Variants in ALKBH8 observed in about 807,000 individuals in gnomAD.
The protein encoded by ALKBH8 is tRNA (carboxymethyluridine(34)-5-O)-methyltransferase ALKBH8.
ALKBH8 carries 36 observed loss-of-function variants against 59.8 expected under a neutral mutation model. That is an observed-to-expected ratio of 0.60 (90% CI 0.46 to 0.79). ALKBH8 has a LOEUF of 0.79. Among genes scored for constraint, ALKBH8 ranks in the 30% least tolerant of loss-of-function variants. ALKBH8 has a pLI of 0.00. For missense variants in ALKBH8, 768 were observed against 801.0 expected, an observed-to-expected ratio of 0.96 and a Z score of 0.50; for synonymous variants, 276 against 273.6, an observed-to-expected ratio of 1.01 and a Z score of -0.09.
chr11:107,541,436 C>T (rs956387023), intron 7 of ALKBH8, among the ~76,000 whole-genome samples: 6 of 152,332 alleles, frequency 3.9e-5, no homozygotes, highest in Non-Finnish European at 8.8e-5. Context: ...ATCCCAGGAT[C>T]TGAAACCAAT....
At chr11:107,552,142 C>A (rs1864524693) in intron 5 of ALKBH8, among the ~76,000 whole-genome samples, 1 of 151,334 alleles carries the variant, frequency 6.6e-6, no homozygotes. Context: ...ACAATTCTAA[C>A]AACAGTTTTG....
Position 107,557,527 on chromosome 11 carries a change from G to A in ALKBH8, c.130-524C>T, listed in dbSNP as rs1229458501. On this transcript the variant is annotated intron_variant, in intron 2 of 11. Coordinates refer to ENST00000428149, the MANE Select transcript of ALKBH8 (RefSeq NM_138775.3). ...GGTGGGTTTAAACCTATTTCTGTCC[G>A]TTTCCAGGATCCGCACTTTTAATAT... 2.0e-5 allele frequency among the ~76,000 whole-genome samples: 3 copies of A among 152,104 alleles called. 1 individual carries two copies. Among genetic ancestry groups the A allele is most frequent in the Non-Finnish European group, 4.4e-5 (3 of 68,012 alleles).
At chr11:107,551,155 T>C (rs1430765024) in intron 6 of ALKBH8, among the ~76,000 whole-genome samples, 2 of 152,338 alleles carry the variant, frequency 1.3e-5, no homozygotes, top group East Asian at 3.9e-4. Flanking sequence ...CTTCTATCTA[T>C]AAATTATTTG....
Position 107,556,865 on chromosome 11 carries a change from T to C in ALKBH8, c.268A>G (p.Thr90Ala), listed in dbSNP as rs1864737916. The C allele has an allele frequency of 6.2e-7, 1 of 1,604,586 alleles. No homozygotes were observed. Among genetic ancestry groups the C allele is most frequent in the Non-Finnish European group, 8.5e-7 (1 of 1,175,480 alleles). Residue 90 changes from threonine (T) to alanine (A), a missense_variant, in exon 3 of 12, where the codon ACA becomes GCA. By Grantham distance (58) the Thr-to-Ala change is moderately conservative. Transcript: ENST00000428149. ...ACATAGGCTCTCTTAGATTCTTCTG[T>C]AGTTCTGTATCTTGCAAATGAGTAC... ...KPYSFARYRT[T>A]EESKRAYVTL...
chr11:107,547,092 C>T (rs538925915), intron 7 of ALKBH8, among the ~76,000 whole-genome samples: 23 of 151,974 alleles, frequency 1.5e-4, no homozygotes, highest in Admixed American at 5.2e-4. Context: ...CCAAACAAAA[C>T]GAAAAAGCAT....
rs375183912 is a variant in ALKBH8, at chr11:107,521,136, C to T, written c.1287+1163G>A. On this transcript the variant is annotated intron_variant, in intron 10 of 11. Coordinates refer to ENST00000428149, the MANE Select transcript of ALKBH8 (RefSeq NM_138775.3). ...TATCCACAGGGTCCTGGAACTAACT[C>T]CCCACAGATACCAAGGGACTAATAT... Among the ~76,000 whole-genome samples the T allele has an allele frequency of 4.6e-5, 7 of 152,108 alleles. No homozygotes were observed. In the South Asian group the frequency reaches 1.2e-3, roughly 27 times the overall value.
chr11:107,544,413 A>C (rs1864166365), intron 7 of ALKBH8, among the ~76,000 whole-genome samples: 6 of 152,214 alleles, frequency 3.9e-5, no homozygotes, highest in Admixed American at 3.9e-4. Flanking sequence ...GTCAGCATTG[A>C]GTCTTATTTG....
intron 9 of ALKBH8, among the ~76,000 whole-genome samples, chr11:107,523,229 T>C (rs1863200511): frequency 6.6e-6 from 1 of 152,038 alleles, no homozygotes; most frequent in Non-Finnish European, 1.5e-5. Context: ...AGTGAATGAA[T>C]GGAAAAAGAA....
intron 8 of ALKBH8, among the ~76,000 whole-genome samples, chr11:107,530,600 AAC>A (rs66736211): frequency 0.012 from 1,577 of 132,128 alleles, 34 homozygotes; most frequent in African/African-American, 0.035. Flanking sequence ...CTCTCTTCCT[AAC>A]ACACACACAC....
chr11:107,529,566 G>A (rs535125607), intron 8 of ALKBH8, among the ~76,000 whole-genome samples: 39 of 151,626 alleles, frequency 2.6e-4, no homozygotes, highest in African/African-American at 9.0e-4. Flanking sequence ...GTGCAGTGAC[G>A]CGATCTTGGC....
At position 107,532,334 on chromosome 11, in the gene ALKBH8, T is replaced by A. The variant is rs763543231; in HGVS notation, c.844A>T (p.Met282Leu). The A allele has an allele frequency of 1.9e-6, 3 of 1,613,450 alleles. No individual in the cohort carries two copies. The highest frequency in any genetic ancestry group is 1.3e-5 in the African/African-American group (1 of 74,894). The part of the protein sequence containing the change: ...VMLPRRSLLV[M>L]TGESRYLWTH... ...CAAAGGTATCTAGATTCTCCTGTCA[T>A]CACCAGCAAACTCCGACGAGGCAAC... The change falls in exon 8 of 12, where the codon ATG (methionine) becomes TTG (leucine). Residue 282 changes from methionine (M) to leucine (L), a missense_variant. Coordinates refer to ENST00000428149, the MANE Select transcript of ALKBH8 (RefSeq NM_138775.3).
At chr11:107,522,150 G>C (rs1258180137) in intron 10 of ALKBH8, 149 bp downstream of exon 10, 1 of 1,042,880 alleles carries the variant, frequency 9.6e-7, no homozygotes, top group African/African-American at 1.6e-5. Context: ...AGAGGAATAA[G>C]AAAGAATAAA....
At chr11:107,505,629 A>G (rs11212274) in intron 11 of ALKBH8, among the ~76,000 whole-genome samples, 31,483 of 152,168 alleles carry the variant, frequency 0.21, 3,951 homozygotes, top group South Asian at 0.38. Context: ...AGTTGTTTGT[A>G]TTAATTCTCC....
At chr11:107,512,896 T>A (rs1862698716) in intron 10 of ALKBH8, among the ~76,000 whole-genome samples, 1 of 152,034 alleles carries the variant, frequency 6.6e-6, no homozygotes. Context: ...ACATTATATA[T>A]AAAAATCAAC....
intron 2 of ALKBH8, among the ~76,000 whole-genome samples, chr11:107,559,136 G>A (rs1443659138): frequency 2.6e-5 from 4 of 152,080 alleles, no homozygotes; most frequent in African/African-American, 4.8e-5. Context: ...CTTGCCTGCC[G>A]CCATGTAAGC....
chr11:107,510,866 A>C (rs940294390), intron 11 of ALKBH8, 21 bp downstream of exon 11: 2 of 1,548,884 alleles, frequency 1.3e-6, no homozygotes, highest in Non-Finnish European at 8.7e-7. Context: ...AGTTCTTAAG[A>C]GAAAGAAAGA....
chr11:107,503,120 T>G lies in ALKBH8; in HGVS notation c.*1538A>C, dbSNP rs2135455854. The G allele has an allele frequency of 6.6e-6, 1 of 152,342 alleles. No homozygotes were observed. The highest frequency in any genetic ancestry group is 1.5e-5 in the Non-Finnish European group (1 of 68,016). The allele number at this position is 152,342 out of a possible 1,614,324, so 9.4% of individuals were successfully genotyped here. On this transcript the variant is annotated 3_prime_UTR_variant, in exon 12 of 12. Transcript: ENST00000428149. The stretch of plus-strand genomic sequence containing the variant: ...CTTCATAGAAAATCATCTATTTCAT[T>G]TGGATGTTAAAATTTATTGGCATGA...
intron 7 of ALKBH8, among the ~76,000 whole-genome samples, chr11:107,539,525 G>C (rs1165761132): frequency 6.6e-6 from 1 of 152,068 alleles, no homozygotes; most frequent in Non-Finnish European, 1.5e-5. Flanking sequence ...CTTGAACCCA[G>C]GAAGTGGAAG....
intron 10 of ALKBH8, among the ~76,000 whole-genome samples, chr11:107,518,166 T>C (rs995489135): frequency 1.3e-5 from 2 of 152,200 alleles, no homozygotes; most frequent in African/African-American, 4.8e-5. Flanking sequence ...GTTATCAAAT[T>C]ATTGCACATT....
Sources: allele counts gnomAD v4.1 joint callset (sites outside exome capture counted in the v4.1 genomes callset), GRCh38; gene constraint gnomAD v4.1.1; transcripts MANE v1.5; gene names NCBI Gene and HGNC (gene_info 2026-07-23, HGNC 2026-07-21).